Variants in LARP1 observed in about 807,000 individuals in gnomAD.
LARP1 encodes la-related protein 1.
Under a neutral mutation model 122.7 loss-of-function variants are expected in LARP1, and 36 were observed. That is an observed-to-expected ratio of 0.29 (90% CI 0.22 to 0.39). LARP1 has a LOEUF of 0.39. Ranked by LOEUF, LARP1 falls within the 10% of genes least tolerant of loss-of-function variation. LARP1 has a pLI of 1.00. For missense variants in LARP1, 1,040 were observed against 1,403.6 expected, an observed-to-expected ratio of 0.74 and a Z score of 4.14; for synonymous variants, 539 against 528.7, an observed-to-expected ratio of 1.02 and a Z score of -0.27.
intron 1 of LARP1, among the ~76,000 whole-genome samples, chr5:154,737,436 CTTTT>C (rs10526758): frequency 5.2e-5 from 5 of 95,304 alleles, no homozygotes; most frequent in African/African-American, 1.8e-4. Flanking sequence ...GAATTTTTCT[CTTTT>C]TTTTTTTTTT....
At chr5:154,797,221 GTTTTT>G (rs1158010359) in intron 8 of LARP1, among the ~76,000 whole-genome samples, 72 of 29,784 alleles carry the variant, frequency 2.4e-3, no homozygotes, top group African/African-American at 7.0e-3. Flanking sequence ...TGTTGTTGTT[GTTTTT>G]TTTTTTTTTT....
At chr5:154,740,260 GC>G (rs1466457163) in intron 1 of LARP1, among the ~76,000 whole-genome samples, 1 of 152,014 alleles carries the variant, frequency 6.6e-6, no homozygotes, top group Non-Finnish European at 1.5e-5. Flanking sequence ...AGGCGTGGTG[GC>G]ACATGCGTGT....
intron 1 of LARP1, among the ~76,000 whole-genome samples, chr5:154,703,923 A>C (rs569315799): frequency 6.6e-6 from 1 of 152,116 alleles, no homozygotes; most frequent in East Asian, 1.9e-4. Context: ...GCCCAGCCAA[A>C]ATTTTTTTAA....
At chr5:154,710,018 G>A (rs1755138297), upstream of LARP1, among the ~76,000 whole-genome samples, 1 of 152,170 alleles carries the variant, frequency 6.6e-6, no homozygotes, top group Non-Finnish European at 1.5e-5. Flanking sequence ...GTTCACAATA[G>A]GGTTCAGGCT....
At chr5:154,769,227 G>A (rs959828479) in intron 1 of LARP1, among the ~76,000 whole-genome samples, 4 of 152,188 alleles carry the variant, frequency 2.6e-5, no homozygotes, top group African/African-American at 9.7e-5. Flanking sequence ...AGGCCTAGCC[G>A]CTCTGGACCT....
intron 1 of LARP1, among the ~76,000 whole-genome samples, chr5:154,725,650 A>T (rs1157670254): frequency 6.6e-6 from 1 of 152,192 alleles, no homozygotes; most frequent in Non-Finnish European, 1.5e-5. Context: ...CTAAGGGGTC[A>T]CGATTCCAGA....
chr5:154,701,341 A>C (rs1754702115), intron 1 of LARP1, among the ~76,000 whole-genome samples: 1 of 152,058 alleles, frequency 6.6e-6, no homozygotes, highest in Admixed American at 6.6e-5. Flanking sequence ...TGCTTTTGTC[A>C]CCTGACCTGC....
At position 154,720,583 on chromosome 5, in the gene LARP1, A is replaced by G. The variant is rs534803410; in HGVS notation, c.205+7453A>G. On this transcript the variant is annotated intron_variant, in intron 1 of 18. Transcript: ENST00000336314. ...AAAAATTAGCCAGGTGTGGTGGCAC[A>G]TGTCTGCAGTCCCAGCTGCTCAGGA... 2.0e-5 allele frequency among the ~76,000 whole-genome samples: 3 copies of G among 152,188 alleles called. No homozygotes were observed. In the South Asian group the frequency reaches 6.2e-4, roughly 32 times the overall value.
In LARP1 at chr5:154,741,337, CACATACTGAGT is replaced by C. The variant is rs1186914844; in HGVS notation, c.205+28208_205+28218del. ...CAGAGGCCACGCAGCATTCTTTCAA[CACATACTGAGT>C]GCCTACTGAGGGATACTAAAGGTGA... On this transcript the variant is annotated intron_variant, in intron 1 of 18. Transcript: ENST00000336314. Among the ~76,000 whole-genome samples the C allele has an allele frequency of 6.6e-5, 10 of 152,324 alleles. No individual in the cohort carries two copies. The South Asian group carries it at 2.1e-3, about 32-fold the overall frequency.
Position 154,756,213 on chromosome 5 carries a change from C to G in LARP1, c.436+20C>G. 1 of 1,242,822 alleles carries G rather than the reference C, an allele frequency of 8.0e-7. No homozygotes were observed. Among genetic ancestry groups the G allele is most frequent in the South Asian group, 1.4e-5 (1 of 73,818 alleles). The allele number at this position is 1,242,822 out of a possible 1,614,324, so 77.0% of individuals were successfully genotyped here. A position where few individuals can be genotyped will look rare whatever the true frequency, so the allele number is the denominator to read the frequency against. ...CCCCAGGTGGGTCTCCCTCCTTGCC[C>G]TCCTGGGTCCGGGGGCCTCTTCCGG... On this transcript the variant is annotated intron_variant, in intron 1 of 18. Transcript: ENST00000518297.
At chr5:154,712,126 A>G (rs1265753570), upstream of LARP1, among the ~76,000 whole-genome samples, 1 of 152,236 alleles carries the variant, frequency 6.6e-6, no homozygotes. Flanking sequence ...AGCCTGACAC[A>G]TAATAGCTGC....
At chr5:154,695,149 A>G (rs1402836762) in intron 1 of LARP1, among the ~76,000 whole-genome samples, 1 of 152,026 alleles carries the variant, frequency 6.6e-6, no homozygotes, top group African/African-American at 2.4e-5. Flanking sequence ...CCCCGTCTCT[A>G]CTAAAAATAC....
At chr5:154,805,182 C>T in intron 14 of LARP1, 1 of 326,446 alleles carries the variant, frequency 3.1e-6, no homozygotes, top group Non-Finnish European at 6.0e-6. Flanking sequence ...TACAGTTTAC[C>T]TACTTAACAA....
At chr5:154,728,974 T>C (rs1157882436) in intron 1 of LARP1, among the ~76,000 whole-genome samples, 1 of 152,164 alleles carries the variant, frequency 6.6e-6, no homozygotes, top group Middle Eastern at 3.2e-3. Context: ...AAGTTGTTCA[T>C]AGGGAAATGT....
intron 1 of LARP1, among the ~76,000 whole-genome samples, chr5:154,734,511 T>C (rs1262687051): frequency 6.6e-6 from 1 of 152,226 alleles, no homozygotes; most frequent in Admixed American, 6.5e-5. Flanking sequence ...GTCCTAATGA[T>C]AATAATTTAC....
chr5:154,690,351 C>G (rs1339436375), intron 1 of LARP1, among the ~76,000 whole-genome samples: 1 of 152,096 alleles, frequency 6.6e-6, no homozygotes, highest in Non-Finnish European at 1.5e-5. Context: ...CATTAGGCAC[C>G]CAACCCTACT....
In LARP1 at chr5:154,793,646, C is replaced by T. The variant is rs754100873; in HGVS notation, c.791C>T (p.Pro264Leu). 1.2e-6 allele frequency: 2 copies of T among 1,614,140 alleles called. No individual in the cohort carries two copies. Among genetic ancestry groups the T allele is most frequent in the Non-Finnish European group, 8.5e-7 (1 of 1,180,028 alleles). Residue 264 changes from proline to leucine, a missense_variant, in exon 5 of 19, where the codon CCC (proline) becomes CTC (leucine). By Grantham distance (98) the Pro-to-Leu change is moderately conservative. Coordinates refer to ENST00000518297, the MANE Select transcript of LARP1 (RefSeq NM_033551.3). ...CAAATAGACATGAAGCCTGAAGTGC[C>T]CAGAGAGAAACTGGCTTCACGCCCC... Reference protein sequence around the residue: ...PLQIDMKPEVPREKLASRPTR... With the variant: ...PLQIDMKPEVLREKLASRPTR...
chr5:154,797,750 G>A (rs577735430), intron 8 of LARP1, among the ~76,000 whole-genome samples: 35 of 150,346 alleles, frequency 2.3e-4, no homozygotes, highest in Non-Finnish European at 4.7e-4. Context: ...TTGCAGTGGT[G>A]TGATCATGGC....
intron 1 of LARP1, chr5:154,713,171 C>A: frequency 1.3e-6 from 2 of 1,547,280 alleles, no homozygotes; most frequent in Non-Finnish European, 1.8e-6. Flanking sequence ...CTCAGGACAG[C>A]AGGGTGTGGT....
Sources: allele counts gnomAD v4.1 joint callset (sites outside exome capture counted in the v4.1 genomes callset), GRCh38; gene constraint gnomAD v4.1.1; transcripts MANE v1.5; gene names NCBI Gene and HGNC (gene_info 2026-07-23, HGNC 2026-07-21).